CLEC19A: variants seen among roughly 807,000 people sequenced by gnomAD.
The protein encoded by CLEC19A is C-type lectin domain family 19 member A.
Under a neutral mutation model 26.1 loss-of-function variants are expected in CLEC19A, and 21 were observed. That is an observed-to-expected ratio of 0.80 (90% CI 0.57 to 1.16). The LOEUF is 1.16. Ranked by LOEUF, CLEC19A falls within the 50% of genes most tolerant of loss-of-function variation. The probability of loss-of-function intolerance (pLI) is 0.00; values close to 1 mark genes in which losing one functional copy is unlikely to be tolerated. For missense variants in CLEC19A, 224 were observed against 227.6 expected (o/e 0.98, Z 0.10); for synonymous variants, 89 against 88.6 (o/e 1.00, Z -0.03).
chr16:19,290,583 C>T (rs566614187), intron 1 of CLEC19A, among the ~76,000 whole-genome samples: 1 of 152,266 alleles, frequency 6.6e-6, no homozygotes, highest in Non-Finnish European at 1.5e-5. Flanking sequence ...GGTTATGTTC[C>T]ACTTTTAGGT....
At position 19,307,630 on chromosome 16, in the gene CLEC19A, A is replaced by C; in HGVS notation, c.434A>C (p.Asp145Ala). 1 of 1,548,308 alleles carries C rather than the reference A, an allele frequency of 6.5e-7. No individual in the cohort carries two copies. Among genetic ancestry groups the C allele is most frequent in the Non-Finnish European group, 8.7e-7 (1 of 1,146,804 alleles). Residue 145 changes from aspartate (D) to alanine (A), a missense_variant, in exon 4 of 5, where the codon GAC (aspartate) becomes GCC (alanine). Physicochemically the swap from Asp to Ala is moderately radical, Grantham distance 126. Transcript: ENST00000636231. Reference protein sequence around the residue: ...GSQPDDGVHADPEEEDCVQIW... With the variant: ...GSQPDDGVHAAPEEEDCVQIW... ...CAGCCAGATGATGGCGTCCACGCGG[A>C]CCCAGAAGAAGAGGACTGCGTGCAG... is the stretch of plus-strand genomic sequence containing the variant.
chr16:19,301,764 TG>T (rs1567255514), intron 2 of CLEC19A, among the ~76,000 whole-genome samples: 7,177 of 125,724 alleles, frequency 0.057, 583 homozygotes, highest in Non-Finnish European at 0.085. Context: ...TTTTTTTTTT[TG>T]TATTTTTAGC....
intron 2 of CLEC19A, among the ~76,000 whole-genome samples, chr16:19,301,761 T>TG (rs1897838538): frequency 2.9e-5 from 4 of 138,588 alleles, no homozygotes; most frequent in African/African-American, 1.1e-4. Flanking sequence ...TTTTTTTTTT[T>TG]TTTGTATTTT....
chr16:19,306,410 G>A (rs983132542), intron 3 of CLEC19A, among the ~76,000 whole-genome samples: 1 of 151,882 alleles, frequency 6.6e-6, no homozygotes, highest in Non-Finnish European at 1.5e-5. Context: ...GCCTCACAAA[G>A]TGCTGGGATT....
intron 1 of CLEC19A, among the ~76,000 whole-genome samples, chr16:19,295,488 C>A (rs1897688368): frequency 6.6e-6 from 1 of 152,168 alleles, no homozygotes; most frequent in East Asian, 1.9e-4. Flanking sequence ...CAGGCGTGAG[C>A]CACCACACCC....
intron 2 of CLEC19A, among the ~76,000 whole-genome samples, chr16:19,301,683 C>T (rs1463380557): frequency 6.6e-6 from 1 of 150,782 alleles, no homozygotes; most frequent in African/African-American, 2.4e-5. Context: ...CCTGCCTCAG[C>T]CTCCTGAGTA....
In CLEC19A at chr16:19,298,670, C is replaced by A. The variant is rs1004350454; in HGVS notation, c.89-3C>A. 1 of 1,550,864 alleles carries A rather than the reference C, an allele frequency of 6.4e-7. No individual in the cohort carries two copies. Among genetic ancestry groups the A allele is most frequent in the Non-Finnish European group, 8.7e-7 (1 of 1,147,052 alleles). ...TCCCAGTCTGTTTCCTTTCTGCCCC[C>A]AGCCCTGCCAGAGCTGCCCCTGCCT... On this transcript the variant is annotated splice_region_variant and splice_polypyrimidine_tract_variant and intron_variant, in intron 1 of 4. Transcript: ENST00000636231.
chr16:19,308,314 G>A (rs553246304), intron 4 of CLEC19A, among the ~76,000 whole-genome samples: 5 of 152,232 alleles, frequency 3.3e-5, no homozygotes, highest in South Asian at 2.1e-4. Context: ...GTGAACCCCC[G>A]CTCCATCCTT....
chr16:19,297,280 A>C (rs1044653070), intron 1 of CLEC19A, among the ~76,000 whole-genome samples: 1 of 152,256 alleles, frequency 6.6e-6, no homozygotes, highest in East Asian at 1.9e-4. Context: ...GAAAATGTGC[A>C]GTCTTGCCAG....
At chr16:19,301,748 T>TG (rs1567255473) in intron 2 of CLEC19A, among the ~76,000 whole-genome samples, 9 of 121,614 alleles carry the variant, frequency 7.4e-5, no homozygotes, top group African/African-American at 2.5e-4. Context: ...TTTTTTTTTT[T>TG]TTTTTTTTTT....
intron 2 of CLEC19A, 87 bp downstream of exon 2, chr16:19,298,925 T>C: frequency 1.5e-6 from 2 of 1,359,882 alleles, no homozygotes; most frequent in Non-Finnish European, 2.0e-6. Context: ...CTGGCATTTC[T>C]CTTTGGTAAT....
chr16:19,298,950 A>G, intron 2 of CLEC19A, 112 bp downstream of exon 2: 1 of 1,197,242 alleles, frequency 8.4e-7, no homozygotes, highest in South Asian at 1.6e-5. Flanking sequence ...ACTATTTGAA[A>G]AAAATGGAGA....
chr16:19,299,416 C>G (rs1241855289), intron 2 of CLEC19A, among the ~76,000 whole-genome samples: 1 of 152,150 alleles, frequency 6.6e-6, no homozygotes, highest in Non-Finnish European at 1.5e-5. Flanking sequence ...TCACATGACA[C>G]CACTCTTAAG....
chr16:19,307,631 C>T lies in CLEC19A; in HGVS notation c.435C>T (p.Asp145=), dbSNP rs1375969375. The stretch of plus-strand genomic sequence containing the variant: ...AGCCAGATGATGGCGTCCACGCGGA[C>T]CCAGAAGAAGAGGACTGCGTGCAGA... ...GSQPDDGVHA[D]PEEEDCVQIW... The change falls in exon 4 of 5, where the codon GAC becomes GAT. Residue 145 remains aspartate (D), a synonymous_variant. Coordinates refer to ENST00000636231, the MANE Select transcript of CLEC19A (RefSeq NM_001256720.2). 5.8e-6 allele frequency: 9 copies of T among 1,548,224 alleles called. No homozygotes were observed. Among genetic ancestry groups the T allele is most frequent in the African/African-American group, 2.7e-5 (2 of 72,948 alleles).
intron 2 of CLEC19A, 144 bp downstream of exon 2, chr16:19,298,982 AG>A: frequency 1.1e-6 from 1 of 932,592 alleles, no homozygotes. Flanking sequence ...TATGTTGCCC[AG>A]GCCACTCTTG....
At chr16:19,299,209 C>T (rs566291039) in intron 2 of CLEC19A, among the ~76,000 whole-genome samples, 4 of 152,342 alleles carry the variant, frequency 2.6e-5, no homozygotes, top group African/African-American at 9.6e-5. Context: ...CTGTCCTCTG[C>T]TCTGTATCCT....
Position 19,304,112 on chromosome 16 carries a change from G to T in CLEC19A, c.305G>T (p.Gly102Val). Residue 102 changes from glycine to valine, a missense_variant, in exon 3 of 5, where the codon GGC (glycine) becomes GTC (valine). Physicochemically the swap from Gly to Val is moderately radical, Grantham distance 109. Coordinates refer to ENST00000636231, the MANE Select transcript of CLEC19A (RefSeq NM_001256720.2). The stretch of plus-strand genomic sequence containing the variant: ...GACCTCGTGAACAGCTGTGTTCCCG[G>T]CATCCCAGCTGACGTCTGGACAGGC... ...VYDLVNSCVP[G>V]IPADVWTGLH... The T allele has an allele frequency of 6.4e-7, 1 of 1,550,556 alleles. No homozygotes were observed. The highest frequency in any genetic ancestry group is 1.2e-5 in the South Asian group (1 of 84,062).
In CLEC19A at chr16:19,309,068, T is replaced by G; in HGVS notation, c.546T>G (p.Ser182=). The change falls in exon 5 of 5, where the codon TCT becomes TCG. Residue 182 remains serine (S), a synonymous_variant. Transcript: ENST00000636231. ...TCCCCTTTGTCTGCAAAATCCCATC[T>G]CTGACCATTCATTGATCCTGTCTTG... ...RKFPFVCKIP[S]LTIH 2 of 1,548,240 alleles carry G rather than the reference T, an allele frequency of 1.3e-6. No homozygotes were observed. Among genetic ancestry groups the G allele is most frequent in the Non-Finnish European group, 1.7e-6 (2 of 1,146,656 alleles).
At chr16:19,305,376 C>A (rs757932549) in intron 3 of CLEC19A, among the ~76,000 whole-genome samples, 9 of 152,154 alleles carry the variant, frequency 5.9e-5, no homozygotes, top group East Asian at 3.9e-4. Context: ...GTGATTAGAG[C>A]GCAGAGTGGG....
Sources: allele counts gnomAD v4.1 joint callset (sites outside exome capture counted in the v4.1 genomes callset), GRCh38; gene constraint gnomAD v4.1.1; transcripts MANE v1.5; gene names NCBI Gene and HGNC (gene_info 2026-07-23, HGNC 2026-07-21).